The following TPST2 variants were observed in gnomAD, a reference collection of about 807,000 sequenced individuals.
The protein encoded by TPST2 is tyrosylprotein sulfotransferase 2, also known as protein-tyrosine sulfotransferase 2.
Under a neutral mutation model 27.8 loss-of-function variants are expected in TPST2, and 16 were observed. That is an observed-to-expected ratio of 0.58 (90% CI 0.39 to 0.88). The LOEUF is 0.88. Among genes scored for constraint, TPST2 ranks in the 40% least tolerant of loss-of-function variants. The pLI, the probability that TPST2 is intolerant of heterozygous loss-of-function variation, is 0.00. For missense variants in TPST2, 464 were observed against 543.1 expected (o/e 0.85, Z 1.45); for synonymous variants, 229 against 231.7 (o/e 0.99, Z 0.10).
chr22:26,522,355 T>C lies in TPST2; in HGVS notation c.*3920A>G, dbSNP rs1489667197. On this transcript the variant is annotated 3_prime_UTR_variant, in exon 7 of 7. Transcript: ENST00000338754. ...GTATAGATTACCATGTTTTCACATA[T>C]GGCAAATTAAGGAATCAGAATGAAT... The C allele has an allele frequency of 1.3e-5, 2 of 152,180 alleles. No homozygotes were observed. The highest frequency in any genetic ancestry group is 2.4e-5 in the African/African-American group (1 of 41,442). The allele number at this position is 152,180 out of a possible 1,614,324, so 9.4% of individuals were successfully genotyped here.
In TPST2 at chr22:26,523,040, CTG is replaced by C. The variant is rs1265164317; in HGVS notation, c.*3233_*3234del. On this transcript the variant is annotated 3_prime_UTR_variant, in exon 7 of 7. Coordinates refer to ENST00000338754, the MANE Select transcript of TPST2 (RefSeq NM_003595.5). ...TGCAGGAGTTAGAGGTTGCAGTGAG[CTG>C]TGTTTGCAGGAGTTAGAGGTTGCAG... The C allele has an allele frequency of 6.6e-6, 1 of 150,874 alleles. No homozygotes were observed. Among genetic ancestry groups the C allele is most frequent in the East Asian group, 1.9e-4 (1 of 5,150 alleles). The allele number at this position is 150,874 out of a possible 1,614,324, so 9.3% of individuals were successfully genotyped here. A position where few individuals can be genotyped will look rare whatever the true frequency, so the allele number is the denominator to read the frequency against.
At chr22:26,580,715 G>A (rs751093985) in intron 1 of TPST2, among the ~76,000 whole-genome samples, 6 of 152,136 alleles carry the variant, frequency 3.9e-5, no homozygotes, top group South Asian at 2.1e-4. Context: ...GGCTAGAGAC[G>A]GCCGCCAGCC....
chr22:26,565,889 G>A (rs1927354605), intron 1 of TPST2, among the ~76,000 whole-genome samples: 1 of 151,866 alleles, frequency 6.6e-6, no homozygotes. Flanking sequence ...TAAATTCTCA[G>A]TAGAAATGGC....
chr22:26,579,018 T>C (rs979608415), intron 1 of TPST2, among the ~76,000 whole-genome samples: 6 of 151,932 alleles, frequency 3.9e-5, no homozygotes, highest in African/African-American at 1.5e-4. Flanking sequence ...GCCCGGCTGA[T>C]TTTTGTACTT....
intron 1 of TPST2, chr22:26,565,570 C>T (rs984504696): frequency 2.0e-5 from 3 of 152,192 alleles, no homozygotes; most frequent in Non-Finnish European, 2.9e-5. Flanking sequence ...CTGGAATTCC[C>T]TCTTGTCATT....
chr22:26,560,154 C>A (rs574731019), intron 1 of TPST2, among the ~76,000 whole-genome samples: 1 of 152,062 alleles, frequency 6.6e-6, no homozygotes, highest in African/African-American at 2.4e-5. Context: ...GTTAATGGCA[C>A]GGCCAGGCCT....
chr22:26,589,581 C>T (rs1000142670), intron 1 of TPST2, among the ~76,000 whole-genome samples: 3 of 152,222 alleles, frequency 2.0e-5, no homozygotes, highest in East Asian at 1.9e-4. Context: ...ACGATTTCCG[C>T]CCCCAACGCC....
chr22:26,579,122 C>T (rs1208060906), intron 1 of TPST2, among the ~76,000 whole-genome samples: 1 of 152,204 alleles, frequency 6.6e-6, no homozygotes, highest in Non-Finnish European at 1.5e-5. Flanking sequence ...TCCCAGAGTG[C>T]TGGGATTATG....
intron 2 of TPST2, among the ~76,000 whole-genome samples, chr22:26,542,831 A>G (rs1925937883): frequency 6.6e-6 from 1 of 152,186 alleles, no homozygotes; most frequent in African/African-American, 2.4e-5. Flanking sequence ...AGCCAGTGGG[A>G]AGACAGCATG....
intron 1 of TPST2, among the ~76,000 whole-genome samples, chr22:26,551,570 T>A (rs1269442402): frequency 1.3e-5 from 2 of 152,116 alleles, no homozygotes; most frequent in Non-Finnish European, 2.9e-5. Flanking sequence ...CATTTTTTTT[T>A]ACCTAAAACC....
chr22:26,575,280 C>T (rs924234056), intron 1 of TPST2, among the ~76,000 whole-genome samples: 12 of 152,178 alleles, frequency 7.9e-5, no homozygotes, highest in East Asian at 1.9e-4. Context: ...GTGAATATTA[C>T]GACTTTGACA....
At chr22:26,557,904 G>A (rs887100442) in intron 1 of TPST2, among the ~76,000 whole-genome samples, 5 of 150,118 alleles carry the variant, frequency 3.3e-5, no homozygotes, top group East Asian at 1.9e-4. Flanking sequence ...AAAATTAGCC[G>A]GGTGTGGTGG....
chr22:26,558,118 AATACACACACACACAC>A (rs1214841827), intron 1 of TPST2, among the ~76,000 whole-genome samples: 2 of 103,154 alleles, frequency 1.9e-5, no homozygotes, highest in African/African-American at 4.2e-5. Context: ...AAATATATAT[AATACACACACACACAC>A]ACACACACAC....
At chr22:26,553,349 A>T (rs1025766297) in intron 1 of TPST2, among the ~76,000 whole-genome samples, 1 of 150,766 alleles carries the variant, frequency 6.6e-6, no homozygotes, top group Non-Finnish European at 1.5e-5. Flanking sequence ...ACTAGCAGAG[A>T]GGCTTGTGCA....
chr22:26,534,827 G>A (rs1925359191), intron 4 of TPST2, among the ~76,000 whole-genome samples: 1 of 151,888 alleles, frequency 6.6e-6, no homozygotes, highest in African/African-American at 2.4e-5. Context: ...CATAAGTAGG[G>A]TTTAAAGATT....
chr22:26,538,248 A>C (rs1925589402), intron 3 of TPST2, among the ~76,000 whole-genome samples: 1 of 152,322 alleles, frequency 6.6e-6, no homozygotes, highest in Middle Eastern at 3.4e-3. Flanking sequence ...AAGGGTGTGG[A>C]CTGGTGGGTA....
At chr22:26,574,470 G>A (rs935844865) in intron 1 of TPST2, among the ~76,000 whole-genome samples, 1 of 152,144 alleles carries the variant, frequency 6.6e-6, no homozygotes, top group African/African-American at 2.4e-5. Context: ...TTCTCTTGAT[G>A]CCTGCCTCAC....
intron 1 of TPST2, chr22:26,560,452 G>A (rs1602285824): frequency 1.4e-6 from 1 of 717,698 alleles, no homozygotes; most frequent in Non-Finnish European, 2.4e-6. Context: ...GAGCTCCACA[G>A]AGACAGCGCC....
chr22:26,579,060 C>T (rs1348154776), intron 1 of TPST2, among the ~76,000 whole-genome samples: 1 of 152,108 alleles, frequency 6.6e-6, no homozygotes, highest in Non-Finnish European at 1.5e-5. Context: ...CCATGTTGCT[C>T]AGGCTGGTCT....
Sources: allele counts gnomAD v4.1 joint callset (sites outside exome capture counted in the v4.1 genomes callset), GRCh38; gene constraint gnomAD v4.1.1; transcripts MANE v1.5; gene names NCBI Gene and HGNC (gene_info 2026-07-23, HGNC 2026-07-21).